The following RRAGC variants were observed in gnomAD, a reference collection of about 807,000 sequenced individuals.
RRAGC encodes ras-related GTP-binding protein C.
In RRAGC, 8 loss-of-function variants were observed where a neutral mutation model predicts 37.1. The ratio of observed to expected loss-of-function variants is 0.22; its 90% CI spans 0.13 to 0.39. RRAGC has a LOEUF of 0.39. RRAGC is among the 10% of genes least tolerant of loss of function. The pLI is 1.00. For synonymous variants in RRAGC, 190 were observed against 181.1 expected, an observed-to-expected ratio of 1.05 and a Z score of -0.39; for missense variants, 342 against 497.6, an observed-to-expected ratio of 0.69 and a Z score of 2.98.
intron 6 of RRAGC, among the ~76,000 whole-genome samples, chr1:38,841,162 T>C (rs1641958203): frequency 6.6e-6 from 1 of 152,198 alleles, no homozygotes; most frequent in East Asian, 1.9e-4. Flanking sequence ...AAAAAGCTTT[T>C]ATTATACTGT....
chr1:38,840,326 G>A (rs1047810480), intron 6 of RRAGC, among the ~76,000 whole-genome samples: 1 of 152,162 alleles, frequency 6.6e-6, no homozygotes, highest in Non-Finnish European at 1.5e-5. Context: ...CAAATACACT[G>A]TGTGGCCTGC....
intron 2 of RRAGC, chr1:38,856,652 A>G: frequency 4.8e-6 from 2 of 417,986 alleles, no homozygotes; most frequent in Non-Finnish European, 4.2e-6. Flanking sequence ...GCTGCTCATC[A>G]ACTAGGACTC....
At chr1:38,851,850 G>T in intron 4 of RRAGC, 93 bp from the exon 5 acceptor site, 1 of 1,172,150 alleles carries the variant, frequency 8.5e-7, no homozygotes, top group South Asian at 1.4e-5. Flanking sequence ...AACATCCAAG[G>T]TCATTTTTAA....
intron 1 of RRAGC, 37 bp downstream of exon 1, chr1:38,859,373 G>C: frequency 6.5e-7 from 1 of 1,531,560 alleles, no homozygotes; most frequent in South Asian, 1.2e-5. Context: ...CCTGAGAACC[G>C]GGGAGGGGGC....
intron 6 of RRAGC, among the ~76,000 whole-genome samples, chr1:38,843,717 C>CAAAAA (rs397951414): frequency 1.4e-5 from 1 of 71,906 alleles, no homozygotes; most frequent in East Asian, 4.2e-4. Flanking sequence ...GAGACTGTCT[C>CAAAAA]AAAAAAAAAA....
intron 5 of RRAGC, 152 bp from the exon 6 acceptor site, chr1:38,846,239 G>A: frequency 3.2e-6 from 2 of 631,246 alleles, no homozygotes; most frequent in South Asian, 2.2e-5. Flanking sequence ...TTAAGGTATA[G>A]TGTTCCTAAA....
At chr1:38,848,401 T>G (rs1339829746) in intron 5 of RRAGC, among the ~76,000 whole-genome samples, 1 of 152,128 alleles carries the variant, frequency 6.6e-6, no homozygotes, top group African/African-American at 2.4e-5. Context: ...CCTAAACCAG[T>G]ACCCACAGCC....
chr1:38,849,212 G>A (rs1270863721), intron 5 of RRAGC, among the ~76,000 whole-genome samples: 1 of 152,142 alleles, frequency 6.6e-6, no homozygotes, highest in Non-Finnish European at 1.5e-5. Flanking sequence ...AGGAGATTGA[G>A]GCTGCAGTGA....
At chr1:38,856,651 C>G (rs4360495) in intron 2 of RRAGC, 379,586 of 402,112 alleles carry the variant, frequency 0.94, 180,308 homozygotes, top group African/African-American at 0.99. Context: ...AGCTGCTCAT[C>G]AACTAGGACT....
At chr1:38,850,238 C>T (rs377368626) in intron 5 of RRAGC, among the ~76,000 whole-genome samples, 1 of 141,806 alleles carries the variant, frequency 7.1e-6, no homozygotes, top group Non-Finnish European at 1.5e-5. Flanking sequence ...AGGCCAGGTG[C>T]GGTGGCTCAC....
At chr1:38,842,139 G>C (rs896658031) in intron 6 of RRAGC, among the ~76,000 whole-genome samples, 2 of 152,198 alleles carry the variant, frequency 1.3e-5, no homozygotes, top group African/African-American at 4.8e-5. Flanking sequence ...AGGCGTGCAG[G>C]CGGGCGCCTG....
In RRAGC at chr1:38,859,759, A is replaced by C; in HGVS notation, c.-113T>G. 1.0e-6 allele frequency: 1 copy of C among 955,246 alleles called. No individual in the cohort carries two copies. 59.2% of individuals were successfully genotyped at this position (955,246 alleles called of 1,614,324 possible). ...CGCCACCACCGCCACCGCCCCCGGC[A>C]GCCGCCACAGTCCGGCCCGCCCCCC... On this transcript the variant is annotated 5_prime_UTR_variant, in exon 1 of 7. Transcript: ENST00000373001.
intron 5 of RRAGC, among the ~76,000 whole-genome samples, chr1:38,850,621 C>T (rs190206913): frequency 1.9e-4 from 29 of 152,208 alleles, no homozygotes; most frequent in Admixed American, 3.3e-4. Flanking sequence ...TACTCTCCTA[C>T]TCAGAGGCAG....
chr1:38,856,683 C>T lies in RRAGC; in HGVS notation c.441+196G>A, dbSNP rs1481851224. 9.5e-6 allele frequency: 5 copies of T among 528,840 alleles called. No homozygotes were observed. In the African/African-American group the frequency reaches 9.5e-5, roughly 10 times the overall value. 32.8% of individuals were successfully genotyped at this position (528,840 alleles called of 1,614,324 possible). A position where few individuals can be genotyped will look rare whatever the true frequency, so the allele number is the denominator to read the frequency against. On this transcript the variant is annotated intron_variant, in intron 2 of 6. Coordinates refer to ENST00000373001, the MANE Select transcript of RRAGC (RefSeq NM_022157.4). ...GACTCAAGGATGTAAACCATATCTC[C>T]TAATCATCTGATATTCTGTACCTGC...
chr1:38,858,245 A>G (rs909570709), intron 1 of RRAGC, among the ~76,000 whole-genome samples: 1 of 152,194 alleles, frequency 6.6e-6, no homozygotes, highest in Non-Finnish European at 1.5e-5. Context: ...CAGATTCAGA[A>G]AGAAAAAAAA....
chr1:38,840,269 T>C (rs558175226), intron 6 of RRAGC, among the ~76,000 whole-genome samples: 2 of 152,182 alleles, frequency 1.3e-5, no homozygotes, highest in Non-Finnish European at 2.9e-5. Context: ...ACCTCTGGCA[T>C]CCAAGTTTCA....
intron 1 of RRAGC, among the ~76,000 whole-genome samples, chr1:38,858,127 G>T (rs1447062679): frequency 7.3e-6 from 1 of 136,172 alleles, no homozygotes; most frequent in Non-Finnish European, 1.7e-5. Context: ...TACAGTCAAC[G>T]TACCCAAGTT....
At position 38,853,106 on chromosome 1, in the gene RRAGC, A is replaced by G. The variant is rs191880740; in HGVS notation, c.642-618T>C. On this transcript the variant is annotated intron_variant, in intron 3 of 6. Coordinates refer to ENST00000373001, the MANE Select transcript of RRAGC (RefSeq NM_022157.4). ...CAGTCTCGCTCCTAGCAGCAAGCCCACTTCCCTGAACAGTGCTCATAAGTA... is the reference window on the plus strand; with the variant it reads ...CAGTCTCGCTCCTAGCAGCAAGCCCGCTTCCCTGAACAGTGCTCATAAGTA... 7.0e-4 allele frequency among the ~76,000 whole-genome samples: 107 copies of G among 152,346 alleles called. 1 individual carries two copies. The East Asian group carries it at 0.017, about 25-fold the overall frequency.
Position 38,857,048 on chromosome 1 carries a change from AG to A in RRAGC, c.271del (p.Leu91SerfsTer20), listed in dbSNP as rs1167864155. The stretch of plus-strand genomic sequence containing the variant: ...AATCTTGTTGGTACTTTCCAAAAAG[AG>A]GGTCTCGTTGGGTGACATCTTATGA... ...VFHKMSPNET[L>X]FLESTNKIYK... On this transcript the variant is annotated frameshift_variant, in exon 2 of 7. Transcript: ENST00000373001. LOFTEE classifies it high-confidence loss of function. 1 of 1,613,866 alleles carries A rather than the reference AG, an allele frequency of 6.2e-7. No individual in the cohort carries two copies. Among genetic ancestry groups the A allele is most frequent in the Non-Finnish European group, 8.5e-7 (1 of 1,179,834 alleles).
Sources: gnomAD v4.1 joint callset for allele counts (sites outside exome capture counted in the v4.1 genomes callset) on GRCh38, gnomAD v4.1.1 for gene constraint, MANE v1.5 for transcripts, NCBI Gene and HGNC (gene_info 2026-07-23, HGNC 2026-07-21) for gene names.